Variants in CFAP99 observed in about 807,000 individuals in gnomAD.
The protein encoded by CFAP99 is cilia- and flagella-associated protein 99.
A neutral mutation model predicts 82.7 loss-of-function variants in CFAP99; 84 were observed. The observed-to-expected ratio is 1.02, with a 90% CI of 0.85 to 1.22. The LOEUF (loss-of-function observed/expected upper bound fraction) is 1.22. Ranked by LOEUF, CFAP99 falls within the 50% of genes most tolerant of loss-of-function variation. The probability of loss-of-function intolerance (pLI) is 0.00; values close to 1 mark genes in which losing one functional copy is unlikely to be tolerated. For missense variants in CFAP99, 1,059 were observed against 983.5 expected (o/e 1.08, Z -1.03); for synonymous variants, 456 against 429.5 (o/e 1.06, Z -0.76).
intron 4 of CFAP99, 78 bp from the exon 5 acceptor site, chr4:2,443,052 C>T (rs1284103478): frequency 1.3e-6 from 1 of 785,162 alleles, no homozygotes; most frequent in African/African-American, 1.7e-5. Flanking sequence ...AGGGAGCTCA[C>T]TGGGGGTGCT....
intron 14 of CFAP99, 48 bp downstream of exon 14, chr4:2,460,290 G>A (rs1312611929): frequency 1.3e-6 from 2 of 1,501,836 alleles, no homozygotes; most frequent in South Asian, 1.2e-5. Flanking sequence ...CAGGGAGCAT[G>A]CTGTAAGCCT....
intron 1 of CFAP99, among the ~76,000 whole-genome samples, chr4:2,422,630 C>T (rs968739402): frequency 4.6e-5 from 7 of 152,134 alleles, no homozygotes; most frequent in East Asian, 1.9e-4. Flanking sequence ...CCCCACCAGG[C>T]GCAAGAAGGG....
chr4:2,451,592 G>A (rs1180128571), intron 10 of CFAP99, among the ~76,000 whole-genome samples: 1 of 152,102 alleles, frequency 6.6e-6, no homozygotes, highest in East Asian at 1.9e-4. Flanking sequence ...CTTAGCAAAG[G>A]CCCAACCCAC....
intron 11 of CFAP99, among the ~76,000 whole-genome samples, chr4:2,457,308 C>T (rs1453025615): frequency 6.6e-6 from 1 of 152,196 alleles, no homozygotes; most frequent in Non-Finnish European, 1.5e-5. Context: ...ATCTTTTTTC[C>T]ACTTGATTCT....
intron 1 of CFAP99, among the ~76,000 whole-genome samples, chr4:2,426,084 G>T (rs1162899401): frequency 6.6e-6 from 1 of 152,214 alleles, no homozygotes; most frequent in Non-Finnish European, 1.5e-5. Flanking sequence ...TGTGCTCTCT[G>T]CCGTGGGCCC....
Position 2,431,300 on chromosome 4 carries a change from C to T in CFAP99, c.111+4714C>T, listed in dbSNP as rs572560767. Among the ~76,000 whole-genome samples the T allele has an allele frequency of 2.7e-5, 4 of 150,378 alleles. 1 individual carries two copies. The South Asian group carries it at 6.3e-4, about 24-fold the overall frequency. ...AGGAGAATGGCGTGAACCTGGGAGG[C>T]GGAGGTTGCAGTGAGTCGAGATCGC... On this transcript the variant is annotated intron_variant, in intron 2 of 14. Coordinates refer to ENST00000635017, the Ensembl canonical transcript of CFAP99.
At chr4:2,440,653 C>T (rs1040759874) in intron 4 of CFAP99, among the ~76,000 whole-genome samples, 4 of 151,718 alleles carry the variant, frequency 2.6e-5, no homozygotes, top group Non-Finnish European at 5.9e-5. Flanking sequence ...AGTGCAGTGG[C>T]GTGATCTCCG....
At chr4:2,426,520 C>T (rs1477463200) in exon 2 of CFAP99, 3 of 1,535,900 alleles carry the variant, frequency 2.0e-6, no homozygotes, top group African/African-American at 1.4e-5. Flanking sequence ...TCGAGCAACT[C>T]GACAAATTTA....
intron 4 of CFAP99, among the ~76,000 whole-genome samples, chr4:2,439,100 G>A (rs1446689173): frequency 6.6e-6 from 1 of 152,234 alleles, no homozygotes; most frequent in Non-Finnish European, 1.5e-5. Context: ...GTTGCTGGCT[G>A]CTGCCTGCTC....
intron 4 of CFAP99, among the ~76,000 whole-genome samples, chr4:2,440,802 G>C (rs1171462262): frequency 6.6e-6 from 1 of 151,654 alleles, no homozygotes; most frequent in Non-Finnish European, 1.5e-5. Flanking sequence ...CACCATGTTA[G>C]CCAGGATGGT....
chr4:2,421,394 G>A (rs367671702), intron 1 of CFAP99, among the ~76,000 whole-genome samples: 2 of 119,940 alleles, frequency 1.7e-5, no homozygotes, highest in African/African-American at 3.3e-5. Flanking sequence ...TCGCTCTGTC[G>A]CCCAGGCTGG....
chr4:2,439,276 G>A (rs977926478), intron 4 of CFAP99, among the ~76,000 whole-genome samples: 2 of 152,186 alleles, frequency 1.3e-5, no homozygotes, highest in Admixed American at 1.3e-4. Context: ...AGAGGGTAGC[G>A]CAGCCAATTC....
exon 12 of CFAP99, chr4:2,458,818 C>A (rs563290909): frequency 6.5e-7 from 1 of 1,535,940 alleles, no homozygotes; most frequent in Non-Finnish European, 8.7e-7. Context: ...GGCAGAAGAA[C>A]GCCAAGGCGG....
At chr4:2,458,641 T>C in intron 11 of CFAP99, 82 bp from the exon 12 acceptor site, 2 of 1,463,274 alleles carry the variant, frequency 1.4e-6, no homozygotes, top group Non-Finnish European at 1.8e-6. Flanking sequence ...TCAGACCTCA[T>C]GCTGCGCCCT....
rs1323699163 is a variant in CFAP99 at position 2,446,437 on chromosome 4, G to C, written c.642+1129G>C. Among the ~76,000 whole-genome samples, 1 of 151,746 alleles carries C rather than the reference G, an allele frequency of 6.6e-6. No homozygotes were observed. The highest frequency in any genetic ancestry group is 1.5e-5 in the Non-Finnish European group (1 of 67,974). On this transcript the variant is annotated intron_variant, in intron 6 of 14. Transcript: ENST00000635017. This position sits in a 1 kb window ranked among gnomAD's most constrained non-coding sequence, Gnocchi z 5.0. Reference sequence around the variant, plus strand: ...AGACAGAGTCTCGCTCTGTCACCCAGGCTGGAGTGCAGTGGCACGATCTTG... The same window carrying C: ...AGACAGAGTCTCGCTCTGTCACCCACGCTGGAGTGCAGTGGCACGATCTTG...
At chr4:2,455,490 T>C (rs561422592) in intron 11 of CFAP99, among the ~76,000 whole-genome samples, 3 of 151,634 alleles carry the variant, frequency 2.0e-5, no homozygotes, top group African/African-American at 4.9e-5. Context: ...CTGGCCAACA[T>C]GGTGAAACCC....
chr4:2,435,573 T>C (rs976120785), intron 2 of CFAP99, among the ~76,000 whole-genome samples: 1 of 152,140 alleles, frequency 6.6e-6, no homozygotes, highest in Non-Finnish European at 1.5e-5. Flanking sequence ...GTAGAACACA[T>C]TGTAAGTGAA....
chr4:2,452,434 G>A (rs1734327476), intron 11 of CFAP99, 88 bp downstream of exon 11: 3 of 1,375,508 alleles, frequency 2.2e-6, no homozygotes. Flanking sequence ...TGGCAGTGGA[G>A]CTGAGTGTCC....
chr4:2,437,751 C>G (rs908118000), intron 3 of CFAP99, among the ~76,000 whole-genome samples: 3 of 152,186 alleles, frequency 2.0e-5, no homozygotes, highest in African/African-American at 7.2e-5. Context: ...ACATTCTAGC[C>G]GGCTTGAGGT....
Sources: gnomAD v4.1 joint callset for allele counts (sites outside exome capture counted in the v4.1 genomes callset) on GRCh38, gnomAD v4.1.1 for gene constraint, Gnocchi (gnomAD v3.1) non-coding constraint, MANE v1.5 for transcripts, NCBI Gene and HGNC (gene_info 2026-07-23, HGNC 2026-07-21) for gene names.